PRAG1: variants seen among roughly 807,000 people sequenced by gnomAD.
PRAG1 encodes the protein inactive tyrosine-protein kinase PRAG1.
In PRAG1, 110 loss-of-function variants were observed where a neutral mutation model predicts 95.6. The ratio of observed to expected loss-of-function variants is 1.15; its 90% CI spans 0.99 to 1.35. PRAG1 has a LOEUF of 1.35. PRAG1 is among the 40% of genes most tolerant of loss of function. PRAG1 has a pLI of 0.00. For missense variants in PRAG1, 2,554 were observed against 1,864.7 expected (o/e 1.37, Z -6.81); for synonymous variants, 1,052 against 819.4 (o/e 1.28, Z -4.85).
At chr8:8,320,910 G>A (rs562028835) in intron 5 of PRAG1, among the ~76,000 whole-genome samples, 2 of 152,316 alleles carry the variant, frequency 1.3e-5, no homozygotes, top group South Asian at 4.1e-4. Flanking sequence ...TGTTTTTAAA[G>A]CTAATTGTCG....
At chr8:8,330,482 C>T (rs150579384) in intron 4 of PRAG1, among the ~76,000 whole-genome samples, 1 of 152,230 alleles carries the variant, frequency 6.6e-6, no homozygotes, top group East Asian at 1.9e-4. Flanking sequence ...AGGGAGTTGC[C>T]CTTCCCATTT....
chr8:8,338,496 GGAA>G (rs1319825485), intron 4 of PRAG1, among the ~76,000 whole-genome samples: 1 of 152,142 alleles, frequency 6.6e-6, no homozygotes, highest in Non-Finnish European at 1.5e-5. Flanking sequence ...GCTGGGAAAA[GGAA>G]GAAGATAAGA....
At chr8:8,358,833 G>A (rs935587534) in intron 3 of PRAG1, among the ~76,000 whole-genome samples, 6 of 152,268 alleles carry the variant, frequency 3.9e-5, no homozygotes, top group African/African-American at 1.4e-4. Context: ...AGCCCAATTG[G>A]CTAACAATCT....
intron 3 of PRAG1, among the ~76,000 whole-genome samples, chr8:8,363,178 A>C (rs1321603896): frequency 6.6e-6 from 1 of 151,358 alleles, no homozygotes; most frequent in African/African-American, 2.4e-5. Context: ...TATTGCAAAA[A>C]GCTAGTCTTT....
At chr8:8,370,122 A>C (rs1427737027) in intron 3 of PRAG1, among the ~76,000 whole-genome samples, 1 of 152,264 alleles carries the variant, frequency 6.6e-6, no homozygotes, top group African/African-American at 2.4e-5. Context: ...AAAGTCTTAA[A>C]TGTTGAATAC....
chr8:8,336,971 C>T (rs1236623409), intron 4 of PRAG1, among the ~76,000 whole-genome samples: 2 of 134,380 alleles, frequency 1.5e-5, no homozygotes, highest in African/African-American at 5.5e-5. Context: ...AACGCTGATA[C>T]ATTTCCAAGA....
intron 2 of PRAG1, among the ~76,000 whole-genome samples, 172 bp downstream of exon 2, chr8:8,381,246 A>AAAG (rs1800632543): frequency 6.6e-6 from 1 of 152,190 alleles, no homozygotes; most frequent in South Asian, 2.1e-4. Flanking sequence ...GGACAGAGAG[A>AAAG]AAGGAGAGCA....
At chr8:8,336,399 C>G (rs953363222) in intron 4 of PRAG1, among the ~76,000 whole-genome samples, 35 of 152,306 alleles carry the variant, frequency 2.3e-4, no homozygotes, top group African/African-American at 7.9e-4. Flanking sequence ...CCTTGGCAGC[C>G]TTCATGGATC....
At chr8:8,356,912 C>T (rs575330332) in intron 3 of PRAG1, among the ~76,000 whole-genome samples, 4 of 152,224 alleles carry the variant, frequency 2.6e-5, no homozygotes, top group Admixed American at 6.5e-5. Flanking sequence ...AACAGGAGTG[C>T]CAAGACCATT....
chr8:8,337,921 A>C (rs1329690228), intron 4 of PRAG1, among the ~76,000 whole-genome samples: 1 of 152,152 alleles, frequency 6.6e-6, no homozygotes, highest in East Asian at 1.9e-4. Flanking sequence ...GCCGGTGTCT[A>C]TTGAAGCATG....
In PRAG1 at chr8:8,376,361, T is replaced by C; in HGVS notation, c.2048A>G (p.Gln683Arg). The C allele has an allele frequency of 6.2e-7, 1 of 1,614,230 alleles. No homozygotes were observed. Among genetic ancestry groups the C allele is most frequent in the Non-Finnish European group, 8.5e-7 (1 of 1,180,040 alleles). The stretch of plus-strand genomic sequence containing the variant: ...CATCCCGGTCCCAACTTTGCTGTTC[T>C]GCCCAGAGGAGCCATCTGTGGGGTG... ...RLHPTDGSSGQNSKVGTGMSK... is the reference protein window; with the variant it reads ...RLHPTDGSSGRNSKVGTGMSK... The change falls in exon 3 of 6, where the codon CAG becomes CGG. Residue 683 changes from glutamine to arginine, a missense_variant. By Grantham distance (43) the Gln-to-Arg change is conservative. Coordinates refer to ENST00000615670, the MANE Select transcript of PRAG1 (RefSeq NM_001080826.3).
In PRAG1 at chr8:8,318,832, G is replaced by C; in HGVS notation, c.3543C>G (p.Cys1181Trp). The change falls in exon 6 of 6, where the codon TGC becomes TGG. Residue 1181 changes from cysteine (C) to tryptophan (W), a missense_variant. Cys to Trp is a radical substitution (Grantham distance 215, BLOSUM62 -2). Coordinates refer to ENST00000615670, the MANE Select transcript of PRAG1 (RefSeq NM_001080826.3). The surrounding 1 kb of genome is among the most constrained non-coding windows in gnomAD (Gnocchi z 4.2). ...CACCAGCAGGCGGGGCGGCAGAGGAGCAGGGAGGCGCGGCGGCGGCGGGGG... is the reference window on the plus strand; with the variant it reads ...CACCAGCAGGCGGGGCGGCAGAGGACCAGGGAGGCGCGGCGGCGGCGGGGG... Reference protein sequence around the residue: ...APAPAAAAPPCSSAAPPAGGT... With the variant: ...APAPAAAAPPWSSAAPPAGGT... 7.8e-7 allele frequency: 1 copy of C among 1,289,828 alleles called. No homozygotes were observed. The highest frequency in any genetic ancestry group is 9.8e-7 in the Non-Finnish European group (1 of 1,017,496). 79.9% of individuals were successfully genotyped at this position (1,289,828 alleles called of 1,614,324 possible).
In PRAG1 at chr8:8,319,313, A is replaced by G. The variant is rs761259269; in HGVS notation, c.3073-11T>C. Reference sequence around the variant, plus strand: ...AGGGGCTTTGCAGATCTGTGGAGAGAAGAAGAAGTGAAATCAAGAGTGGGG... The same window carrying G: ...AGGGGCTTTGCAGATCTGTGGAGAGGAGAAGAAGTGAAATCAAGAGTGGGG... On this transcript the variant is annotated splice_polypyrimidine_tract_variant and intron_variant, in intron 5 of 5. Coordinates refer to ENST00000615670, the MANE Select transcript of PRAG1 (RefSeq NM_001080826.3). 2.6e-5 allele frequency: 39 copies of G among 1,489,854 alleles called. No individual in the cohort carries two copies. Among genetic ancestry groups the G allele is most frequent in the Admixed American group, 2.6e-4 (11 of 42,494 alleles). 92.3% of individuals were successfully genotyped at this position (1,489,854 alleles called of 1,614,324 possible). A position where few individuals can be genotyped will look rare whatever the true frequency, so the allele number is the denominator to read the frequency against.
Position 8,381,541 on chromosome 8 carries a change from C to G in PRAG1, c.207G>C (p.Leu69=), listed in dbSNP as rs771704486. 6.2e-7 allele frequency: 1 copy of G among 1,614,206 alleles called. No homozygotes were observed. Among genetic ancestry groups the G allele is most frequent in the Non-Finnish European group, 8.5e-7 (1 of 1,180,024 alleles). The change falls in exon 2 of 6, where the codon CTG becomes CTC. Residue 69 remains leucine, a synonymous_variant. Coordinates refer to ENST00000615670, the MANE Select transcript of PRAG1 (RefSeq NM_001080826.3). ...GTGAGCTGTTCACACCTTCATCTTCCAGGCGGCAGTTCTCAGGCCTGGGAG... is the reference window on the plus strand; with the variant it reads ...GTGAGCTGTTCACACCTTCATCTTCGAGGCGGCAGTTCTCAGGCCTGGGAG... ...RLPPRPENCR[L]EDEGVNSSPY...
chr8:8,347,963 C>T (rs1457949775), intron 3 of PRAG1, among the ~76,000 whole-genome samples: 1 of 151,572 alleles, frequency 6.6e-6, no homozygotes, highest in East Asian at 1.9e-4. Context: ...GTCACCCAGG[C>T]TGGAGTGCAG....
chr8:8,357,777 TAGA>T (rs1799727403), intron 3 of PRAG1, among the ~76,000 whole-genome samples: 2 of 152,226 alleles, frequency 1.3e-5, no homozygotes, highest in African/African-American at 2.4e-5. Flanking sequence ...AGCCAAAATG[TAGA>T]AGCAACTTAA....
At position 8,327,706 on chromosome 8, in the gene PRAG1, C is replaced by A. The variant is rs1203595695; in HGVS notation, c.3072+4G>T. The A allele has an allele frequency of 6.2e-7, 1 of 1,606,262 alleles. No homozygotes were observed. Among genetic ancestry groups the A allele is most frequent in the Admixed American group, 1.7e-5 (1 of 59,714 alleles). On this transcript the variant is annotated splice_donor_region_variant and intron_variant, in intron 5 of 5. Coordinates refer to ENST00000615670, the MANE Select transcript of PRAG1 (RefSeq NM_001080826.3). ...GCAGAATGCAAGGAGGGAGTGGTACCTACTTTCACAGCATAGGTGCTGCCG... is the reference window on the plus strand; with the variant it reads ...GCAGAATGCAAGGAGGGAGTGGTACATACTTTCACAGCATAGGTGCTGCCG...
chr8:8,376,771 G>T lies in PRAG1; in HGVS notation c.1638C>A (p.Pro546=). 6.2e-7 allele frequency: 1 copy of T among 1,610,584 alleles called. No homozygotes were observed. Residue 546 remains proline, a synonymous_variant, in exon 3 of 6, where the codon CCC becomes CCA. Transcript: ENST00000615670. ...SKPKERPAIP[P]KLSKSSPVGS... ...CTACAGGGCTACTCTTGGACAACTT[G>T]GGGGGAATGGCGGGCCTCTCCTTGG... is the stretch of plus-strand genomic sequence containing the variant.
Position 8,377,073 on chromosome 8 carries a change from A to G in PRAG1, c.1336T>C (p.Cys446Arg), listed in dbSNP as rs564015836. The G allele has an allele frequency of 4.3e-6, 7 of 1,613,914 alleles. No homozygotes were observed. The South Asian group carries it at 4.4e-5, about 10-fold the overall frequency. The change falls in exon 3 of 6, where the codon TGC (cysteine) becomes CGC (arginine). Residue 446 changes from cysteine (C) to arginine (R), a missense_variant. Cys to Arg is a radical substitution (Grantham distance 180). Coordinates refer to ENST00000615670, the MANE Select transcript of PRAG1 (RefSeq NM_001080826.3). ...AAAAQGQGQVCTGNAWAQKAA... is the reference protein window; with the variant it reads ...AAAAQGQGQVRTGNAWAQKAA... ...TTCTGGGCCCAGGCATTACCTGTGC[A>G]TACCTGGCCTTGGCCCTGGGCAGCA...
Sources: gnomAD v4.1 joint callset for allele counts (sites outside exome capture counted in the v4.1 genomes callset) on GRCh38, gnomAD v4.1.1 for gene constraint, Gnocchi (gnomAD v3.1) non-coding constraint, MANE v1.5 for transcripts, NCBI Gene and HGNC (gene_info 2026-07-23, HGNC 2026-07-21) for gene names.